The following BTBD8 variants were observed in gnomAD, a reference collection of about 807,000 sequenced individuals.
The protein encoded by BTBD8 is BTB domain containing 8.
A neutral mutation model predicts 162.9 loss-of-function variants in BTBD8; 110 were observed. That is an observed-to-expected ratio of 0.68 (90% CI 0.58 to 0.79). BTBD8 has a LOEUF of 0.79. Ranked by LOEUF, BTBD8 falls within the 30% of genes least tolerant of loss-of-function variation. BTBD8 has a pLI of 0.00. For missense variants in BTBD8, 1,905 were observed against 2,085.4 expected, an observed-to-expected ratio of 0.91 and a Z score of 1.68; for synonymous variants, 667 against 716.1, an observed-to-expected ratio of 0.93 and a Z score of 1.10.
At chr1:92,102,415 C>A in intron 2 of BTBD8, 58 bp from the exon 3 acceptor site, 1 of 1,193,444 alleles carries the variant, frequency 8.4e-7, no homozygotes, top group Non-Finnish European at 1.1e-6. Flanking sequence ...AACTAGCATT[C>A]TTTCTTTTTA....
chr1:92,140,809 C>T (rs1649758832), intron 6 of BTBD8, among the ~76,000 whole-genome samples: 1 of 152,214 alleles, frequency 6.6e-6, no homozygotes, highest in Admixed American at 6.5e-5. Context: ...GTAACTTTTA[C>T]AGCCTTTAAA....
intron 14 of BTBD8, 81 bp downstream of exon 14, chr1:92,177,627 G>A: frequency 2.0e-6 from 2 of 1,019,512 alleles, no homozygotes; most frequent in Non-Finnish European, 2.8e-6. Flanking sequence ...CCTGTATTTG[G>A]GCTTTTATTT....
intron 15 of BTBD8, 120 bp downstream of exon 15, chr1:92,178,018 A>G (rs950369134): frequency 3.2e-5 from 19 of 586,192 alleles, no homozygotes; most frequent in Non-Finnish European, 4.7e-5. Flanking sequence ...TATTTACATA[A>G]TATTTTAACA....
At chr1:92,107,599 A>G (rs891674896) in intron 3 of BTBD8, among the ~76,000 whole-genome samples, 30 of 152,232 alleles carry the variant, frequency 2.0e-4, no homozygotes, top group African/African-American at 6.5e-4. Context: ...TCACACAGGA[A>G]TGAAATCAGG....
At chr1:92,141,648 G>A (rs1649777466) in intron 7 of BTBD8, among the ~76,000 whole-genome samples, 1 of 152,088 alleles carries the variant, frequency 6.6e-6, no homozygotes, top group African/African-American at 2.4e-5. Context: ...GTCTCTTCAG[G>A]TGACCTATGG....
chr1:92,106,157 A>G (rs980931940), intron 3 of BTBD8, among the ~76,000 whole-genome samples: 2 of 152,244 alleles, frequency 1.3e-5, no homozygotes, highest in Non-Finnish European at 2.9e-5. Context: ...TGATACCATC[A>G]TAATGGACTT....
At chr1:92,176,014 T>C (rs2100684607) in intron 13 of BTBD8, among the ~76,000 whole-genome samples, 2 of 152,268 alleles carry the variant, frequency 1.3e-5, no homozygotes, top group Middle Eastern at 6.8e-3. Flanking sequence ...CTTCGCTTCC[T>C]ATAGCCAGCC....
chr1:92,166,880 A>T, intron 9 of BTBD8, 78 bp from the exon 10 acceptor site: 1 of 1,391,692 alleles, frequency 7.2e-7, no homozygotes, highest in South Asian at 1.6e-5. Flanking sequence ...CATAACAACA[A>T]AAGTATTTGA....
rs778766650 is a variant in BTBD8, at chr1:92,182,151, C to T, written c.4468C>T (p.Arg1490Ter). 11 of 1,550,416 alleles carry T rather than the reference C, an allele frequency of 7.1e-6. No individual in the cohort carries two copies. Among genetic ancestry groups the T allele is most frequent in the South Asian group, 2.4e-5 (2 of 84,008 alleles). ...AAGGACCTGCTATTCCAGATTCTCA[C>T]GAGAAAGTGAAGATAATATTTTAGA... The part of the protein sequence containing the change: ...HGRTCYSRFS[R>*]ESEDNILECK... The change falls in exon 17 of 18, where the codon CGA (arginine) becomes TGA (stop). Residue 1490 changes from arginine (R) to a stop codon, truncating the protein, a stop_gained. Transcript: ENST00000636805. LOFTEE classifies it high-confidence loss of function.
At position 92,184,611 on chromosome 1, in the gene BTBD8, C is replaced by A; in HGVS notation, c.*281C>A. ...CTAGCTGATGATTTGTTCACTTAAT[C>A]ATTATTCAAGAATTTAAAATGTGAA... On this transcript the variant is annotated 3_prime_UTR_variant, in exon 18 of 18. Transcript: ENST00000636805. 4.0e-6 allele frequency: 1 copy of A among 251,068 alleles called. No individual in the cohort carries two copies. The highest frequency in any genetic ancestry group is 8.2e-5 in the East Asian group (1 of 12,176). The allele number at this position is 251,068 out of a possible 1,614,324, so 15.6% of individuals were successfully genotyped here. A position where few individuals can be genotyped will look rare whatever the true frequency, so the allele number is the denominator to read the frequency against.
Position 92,180,850 on chromosome 1 carries a change from T to A in BTBD8, c.3167T>A (p.Phe1056Tyr), listed in dbSNP as rs1401808446. The A allele has an allele frequency of 6.4e-7, 1 of 1,551,476 alleles. No homozygotes were observed. The highest frequency in any genetic ancestry group is 2.0e-5 in the Admixed American group (1 of 50,946). Residue 1056 changes from phenylalanine (F) to tyrosine (Y), a missense_variant, in exon 17 of 18, where the codon TTT (phenylalanine) becomes TAT (tyrosine). Phe to Tyr is a conservative substitution (Grantham distance 22). Transcript: ENST00000636805. The part of the protein sequence containing the change: ...QICLDKSETK[F>Y]PNHKETDDCD... Reference sequence around the variant, plus strand: ...TGTTTAGATAAAAGTGAAACAAAATTTCCCAATCACAAAGAAACAGATGAT... The same window carrying A: ...TGTTTAGATAAAAGTGAAACAAAATATCCCAATCACAAAGAAACAGATGAT...
intron 2 of BTBD8, among the ~76,000 whole-genome samples, chr1:92,093,481 C>T (rs752930643): frequency 2.6e-5 from 4 of 152,028 alleles, no homozygotes; most frequent in Admixed American, 1.3e-4. Flanking sequence ...TGTGAGCCAC[C>T]GCACCCAGCC....
intron 5 of BTBD8, among the ~76,000 whole-genome samples, chr1:92,137,755 G>A (rs79669544): frequency 0.035 from 5,398 of 152,212 alleles, 352 homozygotes; most frequent in African/African-American, 0.12. Context: ...ATGTAGTAAT[G>A]AGAAATCTTG....
At chr1:92,126,248 A>C (rs1242907699) in intron 4 of BTBD8, 1 of 586,224 alleles carries the variant, frequency 1.7e-6, no homozygotes, top group Non-Finnish European at 3.3e-6. Context: ...GTTGATAAGA[A>C]AATGAAGAGT....
intron 1 of BTBD8, among the ~76,000 whole-genome samples, chr1:92,081,699 G>A (rs1244143556): frequency 6.6e-6 from 1 of 151,980 alleles, no homozygotes; most frequent in Non-Finnish European, 1.5e-5. Flanking sequence ...TCAACCTCCC[G>A]AGTAGCTGGG....
chr1:92,169,199 TTA>T (rs142362153), intron 12 of BTBD8, among the ~76,000 whole-genome samples: 1 of 151,690 alleles, frequency 6.6e-6, no homozygotes, highest in Non-Finnish European at 1.5e-5. Context: ...CTCATTTCCT[TTA>T]TATATATATA....
intron 9 of BTBD8, among the ~76,000 whole-genome samples, chr1:92,163,107 C>T (rs961737122): frequency 6.6e-6 from 1 of 151,750 alleles, no homozygotes; most frequent in Admixed American, 6.6e-5. Context: ...GTAATCCCAG[C>T]ACTTTGGGAG....
intron 6 of BTBD8, among the ~76,000 whole-genome samples, chr1:92,140,795 T>C (rs1284494734): frequency 6.6e-6 from 1 of 152,134 alleles, no homozygotes; most frequent in Non-Finnish European, 1.5e-5. Flanking sequence ...TTGCAGAGAG[T>C]TTTGTAACTT....
chr1:92,118,650 G>A (rs908316276), intron 4 of BTBD8, among the ~76,000 whole-genome samples: 3 of 151,736 alleles, frequency 2.0e-5, no homozygotes, highest in African/African-American at 7.3e-5. Flanking sequence ...TGAACCAGGG[G>A]TATTATCCAC....
Sources: allele counts gnomAD v4.1 joint callset (sites outside exome capture counted in the v4.1 genomes callset), GRCh38; gene constraint gnomAD v4.1.1; transcripts MANE v1.5; gene names NCBI Gene and HGNC (gene_info 2026-07-23, HGNC 2026-07-21).